TNR: variants seen among roughly 807,000 people sequenced by gnomAD.
TNR encodes the protein tenascin-R.
Under a neutral mutation model 150.4 loss-of-function variants are expected in TNR, and 45 were observed. The observed-to-expected ratio is 0.30, with a 90% confidence interval of 0.24 to 0.38. The LOEUF (loss-of-function observed/expected upper bound fraction) is 0.38. Among genes scored for constraint, TNR ranks in the 10% least tolerant of loss-of-function variants. The pLI is 1.00. For missense variants in TNR, 1,544 were observed against 1,759.1 expected, an observed-to-expected ratio of 0.88 and a Z score of 2.19; for synonymous variants, 687 against 678.4, an observed-to-expected ratio of 1.01 and a Z score of -0.20.
chr1:175,330,634 G>A (rs1649694893), intron 20 of TNR: 1 of 157,056 alleles, frequency 6.4e-6, no homozygotes. Flanking sequence ...AAAGCAAGAG[G>A]TGAAAACATT....
At chr1:175,424,691 G>A (rs1049242763) in intron 2 of TNR, among the ~76,000 whole-genome samples, 1 of 152,136 alleles carries the variant, frequency 6.6e-6, no homozygotes, top group Non-Finnish European at 1.5e-5. Context: ...GGGAGTTACA[G>A]GACTGGAGGC....
At chr1:175,560,285 A>G (rs72725449) in intron 1 of TNR, among the ~76,000 whole-genome samples, 3,592 of 152,348 alleles carry the variant, frequency 0.024, 61 homozygotes, top group Non-Finnish European at 0.034. Context: ...CTCAATAATC[A>G]TGCTTTCTGC....
intron 12 of TNR, among the ~76,000 whole-genome samples, chr1:175,364,073 C>A (rs557420201): frequency 6.6e-6 from 1 of 152,264 alleles, no homozygotes; most frequent in Admixed American, 6.5e-5. Context: ...AAGCTCTGTA[C>A]CTGTTACCTA....
At chr1:175,459,275 C>A (rs1656712408) in intron 2 of TNR, among the ~76,000 whole-genome samples, 1 of 152,152 alleles carries the variant, frequency 6.6e-6, no homozygotes, top group Admixed American at 6.5e-5. Flanking sequence ...ATTACTGACA[C>A]CATCACCATT....
intron 2 of TNR, among the ~76,000 whole-genome samples, chr1:175,435,739 C>A (rs1655477576): frequency 6.6e-6 from 1 of 152,122 alleles, no homozygotes; most frequent in Non-Finnish European, 1.5e-5. Context: ...AGCCTTGATG[C>A]CTTTACAAAT....
At chr1:175,627,030 C>T (rs957118995) in intron 1 of TNR, among the ~76,000 whole-genome samples, 7 of 152,198 alleles carry the variant, frequency 4.6e-5, no homozygotes, top group Non-Finnish European at 5.9e-5. Context: ...AACCTAGATC[C>T]TGTTATCACC....
chr1:175,688,502 G>A (rs999435937), intron 1 of TNR, among the ~76,000 whole-genome samples: 1 of 152,192 alleles, frequency 6.6e-6, no homozygotes, highest in Non-Finnish European at 1.5e-5. Context: ...GAGAATGACT[G>A]AGTCTGTTGC....
chr1:175,502,910 G>A (rs889548092), intron 2 of TNR, among the ~76,000 whole-genome samples: 2 of 151,600 alleles, frequency 1.3e-5, no homozygotes, highest in African/African-American at 4.9e-5. Context: ...CCCCCTAGAC[G>A]AACCAAGGAT....
chr1:175,609,474 C>A (rs888493188), intron 1 of TNR, among the ~76,000 whole-genome samples: 1 of 152,136 alleles, frequency 6.6e-6, no homozygotes, highest in East Asian at 1.9e-4. Context: ...GGAGATCGAT[C>A]TTTCTGACAG....
intron 1 of TNR, among the ~76,000 whole-genome samples, chr1:175,687,864 C>G (rs1037822808): frequency 1.3e-5 from 2 of 152,088 alleles, no homozygotes; most frequent in Non-Finnish European, 2.9e-5. Flanking sequence ...CCACCACACC[C>G]TCCCCTCCCC....
At chr1:175,434,868 C>T (rs1450750713) in intron 2 of TNR, among the ~76,000 whole-genome samples, 2 of 152,186 alleles carry the variant, frequency 1.3e-5, no homozygotes, top group Non-Finnish European at 2.9e-5. Flanking sequence ...ACCTCACTAA[C>T]TCTTTAATTT....
Position 175,337,605 on chromosome 1 carries a change from G to T in TNR, c.3457C>A (p.Pro1153Thr), listed in dbSNP as rs1650309963. The T allele has an allele frequency of 6.2e-7, 1 of 1,614,032 alleles. No homozygotes were observed. Among genetic ancestry groups the T allele is most frequent in the Non-Finnish European group, 8.5e-7 (1 of 1,180,038 alleles). Reference protein sequence around the residue: ...MNGDTLSGVYPIFLNGELSQK... With the variant: ...MNGDTLSGVYTIFLNGELSQK... ...CTCAGCTCCCCATTGAGGAAGATGG[G>T]GTAAACCCCACTCAAAGTGTCTCCA... is the stretch of plus-strand genomic sequence containing the variant. Residue 1153 changes from proline (P) to threonine (T), a missense_variant, in exon 19 of 23, where the codon CCC becomes ACC. By Grantham distance (38) the Pro-to-Thr change is conservative. Transcript: ENST00000367674.
intron 1 of TNR, among the ~76,000 whole-genome samples, chr1:175,740,267 A>G (rs1469167009): frequency 2.0e-5 from 3 of 152,250 alleles, no homozygotes; most frequent in South Asian, 2.1e-4. Flanking sequence ...ATATGCACAA[A>G]CACAAGTCAG....
chr1:175,647,435 C>CAAAAAAAAAAAA lies in TNR; in HGVS notation c.-165+95779_-165+95790dup, dbSNP rs397745737. Among the ~76,000 whole-genome samples the CAAAAAAAAAAAA allele has an allele frequency of 8.8e-4, 107 of 121,634 alleles. No individual in the cohort carries two copies. In the East Asian group the frequency reaches 0.016, roughly 18 times the overall value. 79.8% of individuals were successfully genotyped at this position (121,634 alleles called of 152,430 possible). A position where few individuals can be genotyped will look rare whatever the true frequency, so the allele number is the denominator to read the frequency against. ...AAAATACGCTTGTTACTATTCGGTG[C>CAAAAAAAAAAAA]AAAAAAAAAAAAAACCTCATTGTCT... On this transcript the variant is annotated intron_variant, in intron 1 of 22. Transcript: ENST00000367674.
At chr1:175,447,499 G>A (rs144085121) in intron 2 of TNR, among the ~76,000 whole-genome samples, 5 of 152,238 alleles carry the variant, frequency 3.3e-5, no homozygotes, top group Admixed American at 1.3e-4. Flanking sequence ...TTCTGCTTTT[G>A]ACTCTTGATA....
rs140463975 is a variant in TNR at position 175,566,452 on chromosome 1, C to T, written c.-164-38083G>A. On this transcript the variant is annotated intron_variant, in intron 1 of 22. Transcript: ENST00000367674. The stretch of plus-strand genomic sequence containing the variant: ...CCGCCTTGCAAGAGAACAGCCTGTG[C>T]GGTGCACATGGGCCCTGAGTAGAAG... 1.1e-4 allele frequency among the ~76,000 whole-genome samples: 17 copies of T among 152,346 alleles called. No homozygotes were observed. In the East Asian group the frequency reaches 1.2e-3, roughly 10 times the overall value.
chr1:175,615,348 G>A (rs1489006807), intron 1 of TNR, among the ~76,000 whole-genome samples: 1 of 152,214 alleles, frequency 6.6e-6, no homozygotes, highest in Non-Finnish European at 1.5e-5. Flanking sequence ...AGTCTGGGCA[G>A]GTGATTAAAC....
At chr1:175,667,370 T>A (rs1305698754) in intron 1 of TNR, among the ~76,000 whole-genome samples, 2 of 152,236 alleles carry the variant, frequency 1.3e-5, no homozygotes, top group African/African-American at 4.8e-5. Flanking sequence ...TAATGCTTTA[T>A]AAACATTCAT....
At chr1:175,583,022 T>G (rs1462098957) in intron 1 of TNR, among the ~76,000 whole-genome samples, 1 of 152,128 alleles carries the variant, frequency 6.6e-6, no homozygotes, top group Non-Finnish European at 1.5e-5. Context: ...CTTCCCAGTC[T>G]TCAGAACTAT....
Sources: allele counts gnomAD v4.1 joint callset (sites outside exome capture counted in the v4.1 genomes callset), GRCh38; gene constraint gnomAD v4.1.1; transcripts MANE v1.5; gene names NCBI Gene and HGNC (gene_info 2026-07-23, HGNC 2026-07-21).